DLG2: variants seen among roughly 807,000 people sequenced by gnomAD.
DLG2 encodes the protein disks large homolog 2.
A neutral mutation model predicts 132.5 loss-of-function variants in DLG2; 45 were observed. The observed-to-expected ratio is 0.34, with a 90% CI of 0.27 to 0.44. DLG2 has a LOEUF of 0.44. Ranked by LOEUF, DLG2 falls within the 20% of genes least tolerant of loss-of-function variation. The pLI, the probability that DLG2 is intolerant of heterozygous loss-of-function variation, is 1.00. For missense variants in DLG2, 1,045 were observed against 1,196.9 expected, an observed-to-expected ratio of 0.87 and a Z score of 1.87; for synonymous variants, 424 against 419.6, an observed-to-expected ratio of 1.01 and a Z score of -0.13.
At chr11:85,161,696 A>T (rs961111066) in intron 4 of DLG2, among the ~76,000 whole-genome samples, 1 of 152,314 alleles carries the variant, frequency 6.6e-6, no homozygotes, top group African/African-American at 2.4e-5. Flanking sequence ...GCTCATGCTC[A>T]TGCTCACTGG....
chr11:85,464,044 TG>T (rs1172131224), intron 3 of DLG2, among the ~76,000 whole-genome samples: 1 of 64,858 alleles, frequency 1.5e-5, no homozygotes, highest in Non-Finnish European at 3.4e-5. Context: ...AGAGAGAGAT[TG>T]AAAGGGGAGA....
At chr11:85,001,723 A>G (rs2058228755) in intron 6 of DLG2, among the ~76,000 whole-genome samples, 1 of 152,204 alleles carries the variant, frequency 6.6e-6, no homozygotes, top group African/African-American at 2.4e-5. Context: ...CATCAAATGT[A>G]TAATACCAAG....
intron 8 of DLG2, among the ~76,000 whole-genome samples, chr11:84,248,972 T>C (rs1363927531): frequency 6.6e-6 from 1 of 152,252 alleles, no homozygotes; most frequent in African/African-American, 2.4e-5. Flanking sequence ...TTTTGATGAA[T>C]TTGTTATTTG....
chr11:84,934,546 T>TTTTTTTTTTTTTTTTTTTTTTTTTTTG (rs1183459468), intron 6 of DLG2, among the ~76,000 whole-genome samples: 2 of 128,668 alleles, frequency 1.6e-5, no homozygotes, highest in Non-Finnish European at 1.6e-5. Flanking sequence ...TTTTTTTTTT[T>TTTTTTTTTTTTTTTTTTTTTTTTTTTG]GGTGGGTAGG....
intron 3 of DLG2, among the ~76,000 whole-genome samples, chr11:85,379,228 G>C (rs796484299): frequency 1.3e-5 from 2 of 152,050 alleles, no homozygotes; most frequent in African/African-American, 2.4e-5. Context: ...GCTAGTCATT[G>C]TTAGACTCCC....
At chr11:83,861,397 G>C (rs1433436073) in intron 16 of DLG2, among the ~76,000 whole-genome samples, 1 of 152,128 alleles carries the variant, frequency 6.6e-6, no homozygotes, top group East Asian at 1.9e-4. Context: ...CAAAAGAAAA[G>C]AAATCAGCAT....
chr11:84,158,610 A>C (rs143543172), intron 9 of DLG2, among the ~76,000 whole-genome samples: 282 of 152,356 alleles, frequency 1.9e-3, no homozygotes, highest in Middle Eastern at 3.4e-3. Flanking sequence ...AGCAACATCT[A>C]CCTCATAGGA....
At chr11:83,827,374 G>A (rs2053169987) in intron 17 of DLG2, among the ~76,000 whole-genome samples, 1 of 152,072 alleles carries the variant, frequency 6.6e-6, no homozygotes, top group African/African-American at 2.4e-5. Context: ...CCCTCTGCAC[G>A]TTTCTAAACA....
chr11:83,728,527 C>T (rs1327061795), intron 18 of DLG2, among the ~76,000 whole-genome samples: 2 of 152,214 alleles, frequency 1.3e-5, no homozygotes, highest in African/African-American at 4.8e-5. Context: ...CATAGCATTT[C>T]CTATATGCCT....
intron 10 of DLG2, among the ~76,000 whole-genome samples, chr11:84,078,973 C>G (rs1056436589): frequency 6.6e-6 from 1 of 152,138 alleles, no homozygotes; most frequent in South Asian, 2.1e-4. Context: ...TCCACCATTC[C>G]TTTCCAATTG....
chr11:85,184,831 T>C (rs71482573), intron 4 of DLG2, among the ~76,000 whole-genome samples: 2 of 151,826 alleles, frequency 1.3e-5, no homozygotes, highest in Non-Finnish European at 2.9e-5. Flanking sequence ...AAAATGTGAA[T>C]AAATTTAACA....
intron 4 of DLG2, among the ~76,000 whole-genome samples, chr11:85,255,933 C>T (rs1043899784): frequency 1.4e-4 from 22 of 152,058 alleles, no homozygotes; most frequent in Non-Finnish European, 7.4e-5. Flanking sequence ...AATAATAATT[C>T]AGAGTTAGGG....
At chr11:84,639,355 T>G (rs1051008378) in intron 6 of DLG2, among the ~76,000 whole-genome samples, 6 of 152,032 alleles carry the variant, frequency 3.9e-5, no homozygotes, top group East Asian at 3.8e-4. Flanking sequence ...TGTGTTTTTT[T>G]TTTTTTTTTT....
At chr11:83,749,915 T>C (rs559910967) in intron 18 of DLG2, among the ~76,000 whole-genome samples, 1 of 152,210 alleles carries the variant, frequency 6.6e-6, no homozygotes, top group African/African-American at 2.4e-5. Flanking sequence ...CTAAGAATTA[T>C]GCTGTTACTA....
chr11:85,506,782 C>T (rs2093945229), intron 3 of DLG2, among the ~76,000 whole-genome samples: 1 of 152,152 alleles, frequency 6.6e-6, no homozygotes, highest in East Asian at 1.9e-4. Context: ...TGTTAACTTT[C>T]TGTCTCGTTG....
chr11:84,860,331 C>A (rs1482020071), intron 6 of DLG2, among the ~76,000 whole-genome samples: 1 of 152,066 alleles, frequency 6.6e-6, no homozygotes, highest in Non-Finnish European at 1.5e-5. Context: ...CAACACTAAT[C>A]CCAGTGGGGA....
In DLG2 at chr11:85,161,719, C is replaced by A. The variant is rs572091728; in HGVS notation, c.187-7068G>T. On this transcript the variant is annotated intron_variant, in intron 4 of 27. Coordinates refer to ENST00000376104, the MANE Select transcript of DLG2 (RefSeq NM_001142699.3). Reference sequence around the variant, plus strand: ...TCATGCTCACTGGTCTTACCATGTTCCCCATCATCCTGAAACAGCTGGATT... The same window carrying A: ...TCATGCTCACTGGTCTTACCATGTTACCCATCATCCTGAAACAGCTGGATT... Among the ~76,000 whole-genome samples the A allele has an allele frequency of 7.9e-5, 12 of 152,266 alleles. No homozygotes were observed. In the South Asian group the frequency reaches 2.5e-3, roughly 32 times the overall value.
intron 3 of DLG2, among the ~76,000 whole-genome samples, chr11:85,591,751 A>G (rs920928368): frequency 9.9e-5 from 15 of 152,180 alleles, no homozygotes; most frequent in Admixed American, 2.6e-4. Context: ...CAAAAAAAGA[A>G]GGAGAAAGCT....
intron 19 of DLG2, among the ~76,000 whole-genome samples, chr11:83,542,733 T>A (rs1592818199): frequency 6.6e-6 from 1 of 152,120 alleles, no homozygotes; most frequent in Admixed American, 6.6e-5. Context: ...GCTGTCATCA[T>A]TAAGAGGTGA....
Sources: gnomAD v4.1 joint callset for allele counts (sites outside exome capture counted in the v4.1 genomes callset) on GRCh38, gnomAD v4.1.1 for gene constraint, MANE v1.5 for transcripts, NCBI Gene and HGNC (gene_info 2026-07-23, HGNC 2026-07-21) for gene names.